Variants in SCD5 observed in about 807,000 individuals in gnomAD.
SCD5 encodes stearoyl-CoA desaturase 5.
SCD5 carries 20 observed loss-of-function variants against 30.4 expected under a neutral mutation model. The ratio of observed to expected loss-of-function variants is 0.66; its 90% CI spans 0.46 to 0.96. The LOEUF is 0.96. Among genes scored for constraint, SCD5 ranks in the 40% least tolerant of loss-of-function variants. The probability of loss-of-function intolerance (pLI) is 0.00; values close to 1 mark genes in which losing one functional copy is unlikely to be tolerated. For missense variants in SCD5, 381 were observed against 443.3 expected, an observed-to-expected ratio of 0.86 and a Z score of 1.26; for synonymous variants, 173 against 176.4, an observed-to-expected ratio of 0.98 and a Z score of 0.16.
intron 4 of SCD5, 147 bp from the exon 5 acceptor site, chr4:82,631,664 G>T: frequency 1.4e-6 from 1 of 713,252 alleles, no homozygotes. Flanking sequence ...TGACTCCAAA[G>T]GCATTGACTT....
At chr4:82,660,715 CCTT>C in intron 3 of SCD5, 2 of 1,448,772 alleles carry the variant, frequency 1.4e-6, no homozygotes, top group Non-Finnish European at 1.8e-6. Context: ...GTAGCTGCCT[CCTT>C]GTGTCAACTG....
chr4:82,677,676 T>C (rs1728465871), intron 3 of SCD5, among the ~76,000 whole-genome samples: 1 of 152,206 alleles, frequency 6.6e-6, no homozygotes, highest in South Asian at 2.1e-4. Context: ...GCTGTATAAT[T>C]ACCACAGGAC....
At chr4:82,777,330 A>T (rs1721763938) in intron 1 of SCD5, among the ~76,000 whole-genome samples, 1 of 152,232 alleles carries the variant, frequency 6.6e-6, no homozygotes, top group African/African-American at 2.4e-5. Context: ...TCTCGCCAAG[A>T]ATTGAGCAAA....
At chr4:82,780,545 G>A (rs1190182141) in intron 1 of SCD5, among the ~76,000 whole-genome samples, 1 of 152,170 alleles carries the variant, frequency 6.6e-6, no homozygotes, top group Non-Finnish European at 1.5e-5. Flanking sequence ...CCCAAAAAGG[G>A]CTCCCTCACT....
At chr4:82,753,326 G>A in intron 1 of SCD5, 1 of 530,414 alleles carries the variant, frequency 1.9e-6, no homozygotes, top group Non-Finnish European at 3.9e-6. Flanking sequence ...GGGGGGTTCT[G>A]TGTATGGCCA....
chr4:82,681,155 C>T (rs1728564755), intron 2 of SCD5, among the ~76,000 whole-genome samples: 1 of 152,090 alleles, frequency 6.6e-6, no homozygotes, highest in African/African-American at 2.4e-5. Context: ...GTACCCACTG[C>T]AGGAAGTTCA....
At chr4:82,728,280 A>T (rs1288752048) in intron 1 of SCD5, among the ~76,000 whole-genome samples, 1 of 152,188 alleles carries the variant, frequency 6.6e-6, no homozygotes, top group East Asian at 1.9e-4. Context: ...GGCTACGTGT[A>T]GGCCAAGCTA....
intron 1 of SCD5, among the ~76,000 whole-genome samples, chr4:82,768,364 G>A (rs1398700571): frequency 1.3e-5 from 2 of 151,774 alleles, no homozygotes; most frequent in Admixed American, 1.3e-4. Context: ...AAATAACATT[G>A]GCCTAAAATA....
At chr4:82,751,849 T>A (rs1721109468) in intron 1 of SCD5, among the ~76,000 whole-genome samples, 1 of 152,124 alleles carries the variant, frequency 6.6e-6, no homozygotes, top group South Asian at 2.1e-4. Flanking sequence ...CTGGTCTTGA[T>A]CTCCTGACCT....
chr4:82,737,213 T>C (rs553360862), intron 1 of SCD5, among the ~76,000 whole-genome samples: 1 of 152,332 alleles, frequency 6.6e-6, no homozygotes, highest in African/African-American at 2.4e-5. Flanking sequence ...TTTAACGGCA[T>C]TGCATGGTTT....
chr4:82,697,156 T>C (rs966706524), intron 2 of SCD5, among the ~76,000 whole-genome samples: 2 of 152,366 alleles, frequency 1.3e-5, no homozygotes, highest in African/African-American at 2.4e-5. Flanking sequence ...CTTGAAAATA[T>C]GTTTCCAAAT....
At position 82,749,513 on chromosome 4, in the gene SCD5, T is replaced by C. The variant is rs1444331692; in HGVS notation, c.233-44100A>G. Among the ~76,000 whole-genome samples the C allele has an allele frequency of 4.6e-5, 7 of 152,334 alleles. No individual in the cohort carries two copies. In the East Asian group the frequency reaches 1.3e-3, roughly 29 times the overall value. On this transcript the variant is annotated intron_variant, in intron 1 of 4. Coordinates refer to ENST00000319540, the MANE Select transcript of SCD5 (RefSeq NM_001037582.3). ...TTGGGATGGCACATCCTTCACTCCT[T>C]TACTATTTAAGAAAGTAAAACATTT... is the stretch of plus-strand genomic sequence containing the variant.
intron 1 of SCD5, among the ~76,000 whole-genome samples, chr4:82,760,459 C>T (rs546355757): frequency 1.3e-5 from 2 of 152,248 alleles, no homozygotes; most frequent in East Asian, 3.9e-4. Flanking sequence ...TGCAGTGGCA[C>T]AATCTCGGCT....
chr4:82,670,967 C>A (rs1274117807), intron 3 of SCD5, among the ~76,000 whole-genome samples: 2 of 151,942 alleles, frequency 1.3e-5, no homozygotes, highest in East Asian at 1.9e-4. Context: ...AAAAACAAGA[C>A]CCAACTATAT....
At chr4:82,638,328 C>T (rs1397624226) in intron 3 of SCD5, among the ~76,000 whole-genome samples, 1 of 152,010 alleles carries the variant, frequency 6.6e-6, no homozygotes, top group African/African-American at 2.4e-5. Flanking sequence ...GGTGTCTGGG[C>T]AGTTTACTCT....
At chr4:82,777,253 G>C (rs1263053252) in intron 1 of SCD5, among the ~76,000 whole-genome samples, 1 of 152,246 alleles carries the variant, frequency 6.6e-6, no homozygotes, top group East Asian at 1.9e-4. Flanking sequence ...CAGCCAGAAA[G>C]TCTCTGAGAA....
chr4:82,660,798 G>A (rs1339522261), intron 3 of SCD5: 1 of 1,603,784 alleles, frequency 6.2e-7, no homozygotes, highest in East Asian at 2.2e-5. Context: ...CGTTAAAAAA[G>A]GCCTGGGTGT....
At chr4:82,737,153 C>G (rs1184572876) in intron 1 of SCD5, among the ~76,000 whole-genome samples, 5 of 152,244 alleles carry the variant, frequency 3.3e-5, no homozygotes, top group Admixed American at 3.3e-4. Flanking sequence ...GAGGGTATAA[C>G]TTTCTCAAAA....
chr4:82,685,470 T>C (rs1305747891), intron 2 of SCD5, among the ~76,000 whole-genome samples: 1 of 152,090 alleles, frequency 6.6e-6, no homozygotes, highest in Non-Finnish European at 1.5e-5. Context: ...CCCAGCACTT[T>C]GAGAGGCCGA....
Sources: gnomAD v4.1 joint callset for allele counts (sites outside exome capture counted in the v4.1 genomes callset) on GRCh38, gnomAD v4.1.1 for gene constraint, MANE v1.5 for transcripts, NCBI Gene and HGNC (gene_info 2026-07-23, HGNC 2026-07-21) for gene names.